SSBP2: variants seen among roughly 807,000 people sequenced by gnomAD.
SSBP2 encodes the protein single-stranded DNA-binding protein 2.
SSBP2 carries 17 observed loss-of-function variants against 61.8 expected under a neutral mutation model. The ratio of observed to expected loss-of-function variants is 0.28; its 90% confidence interval spans 0.19 to 0.41. SSBP2 has a LOEUF of 0.41. Ranked by LOEUF, SSBP2 falls within the 10% of genes least tolerant of loss-of-function variation. The pLI is 1.00. For missense variants in SSBP2, 310 were observed against 458.7 expected, an observed-to-expected ratio of 0.68 and a Z score of 2.96; for synonymous variants, 139 against 141.3, an observed-to-expected ratio of 0.98 and a Z score of 0.12.
At position 81,656,583 on chromosome 5, in the gene SSBP2, T is replaced by C. The variant is rs76213912; in HGVS notation, c.63-6244A>G. On this transcript the variant is annotated intron_variant, in intron 1 of 16. Transcript: ENST00000320672. ...CATAACATATAGCCTTATGTCAAGCTAATATGTTTAATATATAAAGAGCAC... is the reference window on the plus strand; with the variant it reads ...CATAACATATAGCCTTATGTCAAGCCAATATGTTTAATATATAAAGAGCAC... Among the ~76,000 whole-genome samples, 290 of 152,234 alleles carry C rather than the reference T, an allele frequency of 1.9e-3. 1 individual carries two copies. Among genetic ancestry groups the C allele is most frequent in the African/African-American group, 6.6e-3 (274 of 41,546 alleles).
Position 81,442,703 on chromosome 5 carries a change from T to C in SSBP2, c.799A>G (p.Asn267Asp). Residue 267 changes from asparagine (N) to aspartate (D), a missense_variant, in exon 13 of 17, where the codon AAC becomes GAC. This residue lies in a region of SSBP2 where 209 missense variants were observed against 286.4 expected (regional missense o/e 0.73). Transcript: ENST00000320672. ...ACTGCATTCATTAAAGTATACATGT[T>C]ATCACCAGAGTTGGTTGAATCTGAA... The C allele has an allele frequency of 6.3e-7, 1 of 1,576,634 alleles. No individual in the cohort carries two copies. The highest frequency in any genetic ancestry group is 8.6e-7 in the Non-Finnish European group (1 of 1,156,440).
chr5:81,557,826 G>A (rs989162783), intron 4 of SSBP2, among the ~76,000 whole-genome samples: 13 of 151,936 alleles, frequency 8.6e-5, no homozygotes, highest in African/African-American at 2.7e-4. Context: ...GTTTTGATTC[G>A]TTTTTCTCCT....
At chr5:81,529,087 T>A (rs1413606579) in intron 4 of SSBP2, among the ~76,000 whole-genome samples, 1 of 152,034 alleles carries the variant, frequency 6.6e-6, no homozygotes, top group Non-Finnish European at 1.5e-5. Flanking sequence ...TTGAGTGTAG[T>A]GGAATGTAAG....
At chr5:81,701,898 G>A (rs1033804073) in intron 1 of SSBP2, among the ~76,000 whole-genome samples, 98 of 152,236 alleles carry the variant, frequency 6.4e-4, no homozygotes, top group African/African-American at 2.3e-3. Flanking sequence ...GTTAACCAAC[G>A]ATGCCAATTT....
chr5:81,516,468 A>T (rs1769024774), intron 4 of SSBP2, among the ~76,000 whole-genome samples: 1 of 152,098 alleles, frequency 6.6e-6, no homozygotes, highest in Non-Finnish European at 1.5e-5. Flanking sequence ...GTAATTATCC[A>T]GTACACCCAG....
At chr5:81,435,116 T>C (rs1762592049) in intron 15 of SSBP2, among the ~76,000 whole-genome samples, 1 of 152,198 alleles carries the variant, frequency 6.6e-6, no homozygotes, top group Admixed American at 6.5e-5. Context: ...ATTTAACTAG[T>C]CAATTCTAGC....
chr5:81,493,249 A>G (rs1767000082), intron 5 of SSBP2, among the ~76,000 whole-genome samples: 1 of 128,192 alleles, frequency 7.8e-6, no homozygotes, highest in Admixed American at 8.3e-5. Context: ...GAATGAACAA[A>G]ACAGATAGAT....
Position 81,508,656 on chromosome 5 carries a change from A to G in SSBP2, c.372+4972T>C, listed in dbSNP as rs183208149. Among the ~76,000 whole-genome samples the G allele has an allele frequency of 2.9e-3, 441 of 152,324 alleles. 1 individual carries two copies. The highest frequency in any genetic ancestry group is 9.1e-3 in the African/African-American group (379 of 41,588). ...TAATTCATTGCTATTTTTCAAATGT[A>G]GTTGTTATGTATTCACAAGTTCAGT... is the stretch of plus-strand genomic sequence containing the variant. On this transcript the variant is annotated intron_variant, in intron 5 of 16. Coordinates refer to ENST00000320672, the MANE Select transcript of SSBP2 (RefSeq NM_012446.5).
chr5:81,459,018 T>C (rs957142392), intron 10 of SSBP2, among the ~76,000 whole-genome samples: 2 of 152,174 alleles, frequency 1.3e-5, no homozygotes, highest in Non-Finnish European at 2.9e-5. Context: ...TGGTATACAT[T>C]CATCGAGGAG....
intron 1 of SSBP2, among the ~76,000 whole-genome samples, chr5:81,683,783 C>G (rs7729317): frequency 6.6e-6 from 1 of 151,938 alleles, no homozygotes; most frequent in Non-Finnish European, 1.5e-5. Context: ...AATGAACAAC[C>G]TGATTAAAAA....
chr5:81,616,403 A>T (rs1746034870), intron 3 of SSBP2: 1 of 146,298 alleles, frequency 6.8e-6, no homozygotes, highest in African/African-American at 2.6e-5. Flanking sequence ...CCGGCTTAAG[A>T]AACGGCGCAC....
At chr5:81,723,794 T>C (rs1000360931) in intron 1 of SSBP2, among the ~76,000 whole-genome samples, 1 of 151,988 alleles carries the variant, frequency 6.6e-6, no homozygotes, top group Non-Finnish European at 1.5e-5. Flanking sequence ...TATATATCAT[T>C]ACCAAGACAT....
At chr5:81,536,068 A>C (rs1770778113) in intron 4 of SSBP2, among the ~76,000 whole-genome samples, 1 of 152,156 alleles carries the variant, frequency 6.6e-6, no homozygotes, top group African/African-American at 2.4e-5. Flanking sequence ...GCCCAATAAA[A>C]ATGGACCAAA....
Position 81,463,728 on chromosome 5 carries a change from T to C in SSBP2, c.639-2625A>G, listed in dbSNP as rs539211411. Among the ~76,000 whole-genome samples the C allele has an allele frequency of 2.0e-5, 3 of 149,290 alleles. No individual in the cohort carries two copies. The South Asian group carries it at 6.4e-4, about 32-fold the overall frequency. ...GGAGGTTGATTTTGATGAAATCAAATCAACCACTATTACCAAAGAGAAAAA... is the reference window on the plus strand; with the variant it reads ...GGAGGTTGATTTTGATGAAATCAAACCAACCACTATTACCAAAGAGAAAAA... On this transcript the variant is annotated intron_variant, in intron 9 of 16. Transcript: ENST00000320672.
At chr5:81,626,288 C>T (rs1747134024) in intron 3 of SSBP2, among the ~76,000 whole-genome samples, 1 of 152,052 alleles carries the variant, frequency 6.6e-6, no homozygotes, top group Non-Finnish European at 1.5e-5. Context: ...AGATAGTTAC[C>T]ATTATTGAGT....
chr5:81,725,642 T>G (rs1755827341), intron 1 of SSBP2, among the ~76,000 whole-genome samples: 1 of 152,208 alleles, frequency 6.6e-6, no homozygotes. Context: ...ATGTGGTAAG[T>G]GCATTCACTG....
At chr5:81,446,845 T>C (rs778502409) in intron 12 of SSBP2, 23 bp downstream of exon 12, 4 of 1,596,900 alleles carry the variant, frequency 2.5e-6, no homozygotes, top group African/African-American at 1.3e-5. Flanking sequence ...CAAATGCCCA[T>C]GTGGCTAGTT....
intron 15 of SSBP2, among the ~76,000 whole-genome samples, chr5:81,431,593 C>T (rs1405869618): frequency 3.3e-5 from 5 of 151,866 alleles, no homozygotes; most frequent in Admixed American, 3.3e-4. Context: ...ATCTTCTTCT[C>T]TCTTTTTTTT....
intron 4 of SSBP2, among the ~76,000 whole-genome samples, chr5:81,548,688 C>T (rs565097070): frequency 7.9e-5 from 12 of 152,184 alleles, no homozygotes; most frequent in South Asian, 6.2e-4. Context: ...TTTGGGAGGC[C>T]GAGGCAGGTG....
Sources: allele counts gnomAD v4.1 joint callset (sites outside exome capture counted in the v4.1 genomes callset), GRCh38; gene constraint gnomAD v4.1.1; regional missense constraint gnomAD v4.1.1; transcripts MANE v1.5; gene names NCBI Gene and HGNC (gene_info 2026-07-23, HGNC 2026-07-21).